SAXO5: variants seen among roughly 807,000 people sequenced by gnomAD.
SAXO5 encodes testis expressed 45.
the SAXO5 span, chr19:7,508,088 T>C: frequency 1.3e-6 from 1 of 760,798 alleles, no homozygotes; most frequent in South Asian, 1.7e-5. Context: ...CCCGACCAGC[T>C]AGCCTGCCCT....
chr19:7,504,852 G>A, the SAXO5 span, among the ~76,000 whole-genome samples: 19 of 152,242 alleles, frequency 1.2e-4, no homozygotes, highest in East Asian at 3.7e-3. Flanking sequence ...TAGCCAAGGT[G>A]CACTATTGTG....
At chr19:7,505,379 G>A in the SAXO5 span, 1 of 1,614,226 alleles carries the variant, frequency 6.2e-7, no homozygotes, top group Non-Finnish European at 8.5e-7. Flanking sequence ...CCGTCCTGGT[G>A]ACGGCCTCTT....
At chr19:7,505,891 C>T in the SAXO5 span, 1 of 1,423,824 alleles carries the variant, frequency 7.0e-7, no homozygotes. Flanking sequence ...ACACAGAGCC[C>T]ACCTCCTCCC....
the SAXO5 span, among the ~76,000 whole-genome samples, chr19:7,507,501 A>G: frequency 6.6e-6 from 1 of 151,912 alleles, no homozygotes; most frequent in East Asian, 1.9e-4. Context: ...AATTGCTTGA[A>G]CCAGGGAGGC....
At chr19:7,507,700 A>G in the SAXO5 span, among the ~76,000 whole-genome samples, 1 of 152,058 alleles carries the variant, frequency 6.6e-6, no homozygotes, top group Non-Finnish European at 1.5e-5. Flanking sequence ...GGGTTAATTC[A>G]GAGCCACCCA....
the SAXO5 span, chr19:7,504,080 A>ATCTCTCTCTCTCTCTCTC: frequency 2.6e-3 from 3,073 of 1,202,354 alleles, 55 homozygotes; most frequent in African/African-American, 0.041. Context: ...GGGAATCTCA[A>ATCTCTCTCTCTCTCTCTC]TCTCTCTCTC....
At chr19:7,501,803 A>C in the SAXO5 span, among the ~76,000 whole-genome samples, 1 of 151,948 alleles carries the variant, frequency 6.6e-6, no homozygotes, top group Non-Finnish European at 1.5e-5. Context: ...CCTGGGAGAC[A>C]GAGCAAGGCT....
the SAXO5 span, among the ~76,000 whole-genome samples, chr19:7,507,881 C>T: frequency 6.6e-6 from 1 of 152,210 alleles, no homozygotes; most frequent in African/African-American, 2.4e-5. Flanking sequence ...CCCACCTTAC[C>T]CCAGGCTTCA....
the SAXO5 span, among the ~76,000 whole-genome samples, chr19:7,507,304 C>T: frequency 3.3e-5 from 5 of 152,110 alleles, no homozygotes; most frequent in African/African-American, 9.7e-5. Context: ...CTAGCTTGGC[C>T]GGGTGCAGTG....
chr19:7,500,886 A>T, the SAXO5 span: 1 of 1,569,540 alleles, frequency 6.4e-7, no homozygotes, highest in South Asian at 1.1e-5. Context: ...GGACTTCCTC[A>T]AGGCCTCGCA....
chr19:7,501,215 C>G, the SAXO5 span: 6 of 1,547,784 alleles, frequency 3.9e-6, no homozygotes, highest in African/African-American at 1.4e-5. Context: ...CGCACGCCGC[C>G]TACGGCTGGC....
At chr19:7,501,401 T>C in the SAXO5 span, 2 of 1,484,046 alleles carry the variant, frequency 1.3e-6, no homozygotes, top group East Asian at 2.6e-5. Context: ...GCCACCTCGG[T>C]GAGCGCGCGC....
the SAXO5 span, chr19:7,498,827 G>T: frequency 6.6e-6 from 1 of 152,588 alleles, no homozygotes; most frequent in East Asian, 1.9e-4. Context: ...GAGAGCATGG[G>T]AGACACTTGT....
At chr19:7,506,265 C>T in the SAXO5 span, 1 of 1,046,230 alleles carries the variant, frequency 9.6e-7, no homozygotes, top group Non-Finnish European at 1.4e-6. Context: ...TGGAGCCCCG[C>T]CCCCACGGAG....
the SAXO5 span, chr19:7,505,816 TAA>T: frequency 2.1e-6 from 2 of 949,140 alleles, no homozygotes; most frequent in Non-Finnish European, 3.1e-6. Context: ...TAAAATGAGA[TAA>T]GAGTACCAAC....
the SAXO5 span, chr19:7,501,216 T>C: frequency 1.3e-6 from 2 of 1,548,518 alleles, no homozygotes; most frequent in Non-Finnish European, 1.7e-6. Flanking sequence ...GCACGCCGCC[T>C]ACGGCTGGCC....
At chr19:7,505,328 G>T in the SAXO5 span, 1 of 1,614,104 alleles carries the variant, frequency 6.2e-7, no homozygotes, top group Admixed American at 1.7e-5. Flanking sequence ...GTACAGGTAT[G>T]ACAAGGCCCA....
chr19:7,507,025 C>G, the SAXO5 span: 6 of 1,590,698 alleles, frequency 3.8e-6, no homozygotes, highest in Admixed American at 6.7e-5. Context: ...GCCCACAGCC[C>G]TCACTCAGCC....
At chr19:7,499,400 A>G in the SAXO5 span, among the ~76,000 whole-genome samples, 1 of 148,434 alleles carries the variant, frequency 6.7e-6, no homozygotes. Flanking sequence ...GGGGGAGAGA[A>G]GGGAGAAAAA....
Sources: gnomAD v4.1 joint callset for allele counts (sites outside exome capture counted in the v4.1 genomes callset) on GRCh38, gnomAD v4.1.1 for gene constraint, MANE v1.5 for transcripts, NCBI Gene and HGNC (gene_info 2026-07-23, HGNC 2026-07-21) for gene names.